FHL5: variants seen among roughly 807,000 people sequenced by gnomAD.
FHL5 encodes the protein four and a half LIM domains protein 5.
In FHL5, 33 loss-of-function variants were observed where a neutral mutation model predicts 32.0. That is an observed-to-expected ratio of 1.03 (90% CI 0.78 to 1.38). The LOEUF (loss-of-function observed/expected upper bound fraction) is 1.38. FHL5 is among the 40% of genes most tolerant of loss of function. The pLI is 0.00. For missense variants in FHL5, 336 were observed against 343.9 expected (o/e 0.98, Z 0.18); for synonymous variants, 114 against 113.6 (o/e 1.00, Z -0.02).
At chr6:96,606,346 T>C (rs1771279965) in intron 4 of FHL5, among the ~76,000 whole-genome samples, 1 of 151,922 alleles carries the variant, frequency 6.6e-6, no homozygotes, top group Non-Finnish European at 1.5e-5. Context: ...CTGTTTTTTG[T>C]TGTTGTTGTT....
chr6:96,612,222 T>C (rs1771424796), intron 5 of FHL5, among the ~76,000 whole-genome samples: 1 of 149,382 alleles, frequency 6.7e-6, no homozygotes, highest in African/African-American at 2.5e-5. Flanking sequence ...ACAATTCCTA[T>C]AGCCAAGAGA....
At chr6:96,577,868 A>T (rs191397556) in intron 1 of FHL5, among the ~76,000 whole-genome samples, 3 of 151,892 alleles carry the variant, frequency 2.0e-5, no homozygotes, top group Non-Finnish European at 4.4e-5. Context: ...AACAAAACAA[A>T]TGGCTTCTGT....
At position 96,617,094 on chromosome 6, in the gene FHL5, T is replaced by C. The variant is rs1488004898; in HGVS notation, c.*1322T>C. On this transcript the variant is annotated 3_prime_UTR_variant, in exon 6 of 6. Coordinates refer to ENST00000450218, the MANE Select transcript of FHL5 (RefSeq NM_001322466.2). ...GAGAAGTCCATCACCAGGTTTATCT[T>C]TATACCAGACTTTAACTGATCATGA... 1.3e-5 allele frequency among the ~76,000 whole-genome samples: 2 copies of C among 152,204 alleles called. No homozygotes were observed. The highest frequency in any genetic ancestry group is 4.1e-4 in the South Asian group (2 of 4,838).
chr6:96,613,062 T>C (rs1373807336), intron 5 of FHL5, among the ~76,000 whole-genome samples: 1 of 152,216 alleles, frequency 6.6e-6, no homozygotes, highest in Non-Finnish European at 1.5e-5. Context: ...TTAACAACTA[T>C]GTATTATATA....
chr6:96,574,096 C>G (rs1770538622), intron 1 of FHL5, among the ~76,000 whole-genome samples: 1 of 151,754 alleles, frequency 6.6e-6, no homozygotes, highest in African/African-American at 2.4e-5. Context: ...TTTTTTCCCA[C>G]TTAGAGAATT....
chr6:96,577,108 A>G (rs1400902497), intron 1 of FHL5, among the ~76,000 whole-genome samples: 1 of 152,204 alleles, frequency 6.6e-6, no homozygotes, highest in Non-Finnish European at 1.5e-5. Flanking sequence ...AAAACAGATA[A>G]AAATTAAATT....
rs1342103227 is a variant in FHL5 at position 96,594,485 on chromosome 6, G to A, written c.-12-9117G>A. ...GTTAACAAAAATATTAAATTAGGCC[G>A]ACCTCTGGGTTCAAATAGTATTAAA... On this transcript the variant is annotated intron_variant, in intron 1 of 5. Transcript: ENST00000450218. 3.3e-5 allele frequency among the ~76,000 whole-genome samples: 5 copies of A among 151,334 alleles called. No individual in the cohort carries two copies. The East Asian group carries it at 5.8e-4, about 18-fold the overall frequency.
At chr6:96,568,976 C>T (rs573259449) in intron 1 of FHL5, among the ~76,000 whole-genome samples, 46 of 151,626 alleles carry the variant, frequency 3.0e-4, no homozygotes, top group Admixed American at 2.2e-3. Flanking sequence ...TTCTTTCTTT[C>T]CTTCTAATTT....
chr6:96,614,787 C>T (rs556466668), intron 5 of FHL5, among the ~76,000 whole-genome samples: 15 of 152,294 alleles, frequency 9.8e-5, no homozygotes, highest in African/African-American at 3.6e-4. Flanking sequence ...CCTGGAATCA[C>T]ATTAAGGAGA....
intron 5 of FHL5, 84 bp from the exon 6 acceptor site, chr6:96,615,525 C>G: frequency 2.6e-6 from 3 of 1,143,520 alleles, no homozygotes; most frequent in Non-Finnish European, 3.7e-6. Flanking sequence ...AGCTCTATCT[C>G]CAGTTCCTAG....
intron 5 of FHL5, among the ~76,000 whole-genome samples, chr6:96,612,889 G>A (rs562601048): frequency 6.6e-6 from 1 of 152,120 alleles, no homozygotes; most frequent in East Asian, 1.9e-4. Context: ...TTGAACTGAT[G>A]TACCATTGGG....
At position 96,603,674 on chromosome 6, in the gene FHL5, G is replaced by A. The variant is rs1406460127; in HGVS notation, c.61G>A (p.Val21Ile). ...AGCATCACTTCTTGGGAAGAAATAT[G>A]TACTAAAGGATGACAGTCCATACTG... is the stretch of plus-strand genomic sequence containing the variant. Reference protein sequence around the residue: ...CTASLLGKKYVLKDDSPYCVT... With the variant: ...CTASLLGKKYILKDDSPYCVT... The change falls in exon 2 of 6, where the codon GTA becomes ATA. Residue 21 changes from valine to isoleucine, a missense_variant. Coordinates refer to ENST00000450218, the MANE Select transcript of FHL5 (RefSeq NM_001322466.2). The A allele has an allele frequency of 6.2e-7, 1 of 1,612,686 alleles. No individual in the cohort carries two copies. Among genetic ancestry groups the A allele is most frequent in the South Asian group, 1.1e-5 (1 of 90,954 alleles).
intron 1 of FHL5, among the ~76,000 whole-genome samples, chr6:96,596,216 T>C (rs915407387): frequency 6.6e-6 from 1 of 151,928 alleles, no homozygotes; most frequent in African/African-American, 2.4e-5. Flanking sequence ...CTTTAGAGAG[T>C]GTTAACCTTT....
chr6:96,570,184 GT>G (rs1489250300), intron 1 of FHL5, among the ~76,000 whole-genome samples: 1 of 152,000 alleles, frequency 6.6e-6, no homozygotes, highest in Non-Finnish European at 1.5e-5. Context: ...AATTCCTTCA[GT>G]TTTTGCTTAC....
At chr6:96,567,639 T>C (rs1051300133) in intron 1 of FHL5, among the ~76,000 whole-genome samples, 1 of 151,810 alleles carries the variant, frequency 6.6e-6, no homozygotes, top group Admixed American at 6.6e-5. Context: ...ATCTTTCCAT[T>C]TTTTGTGTCT....
chr6:96,588,398 C>T (rs762459129), intron 1 of FHL5, among the ~76,000 whole-genome samples: 3 of 152,044 alleles, frequency 2.0e-5, no homozygotes, highest in Non-Finnish European at 2.9e-5. Context: ...TCAGTAGAGA[C>T]GGGGTTTCAC....
intron 1 of FHL5, among the ~76,000 whole-genome samples, chr6:96,583,578 C>G (rs1267284568): frequency 2.0e-5 from 3 of 152,128 alleles, no homozygotes; most frequent in Non-Finnish European, 2.9e-5. Flanking sequence ...TCTGATCGAA[C>G]AGTTTAAACT....
chr6:96,614,301 CTTA>C (rs1771472121), intron 5 of FHL5, among the ~76,000 whole-genome samples: 2 of 152,042 alleles, frequency 1.3e-5, no homozygotes, highest in Admixed American at 1.3e-4. Flanking sequence ...TTGCAGTCAG[CTTA>C]TTAATGTTTT....
chr6:96,583,962 G>A (rs1770745972), intron 1 of FHL5, among the ~76,000 whole-genome samples: 1 of 151,930 alleles, frequency 6.6e-6, no homozygotes, highest in Admixed American at 6.6e-5. Context: ...TCGTATATGT[G>A]TTTTCATTAG....
Sources: gnomAD v4.1 joint callset for allele counts (sites outside exome capture counted in the v4.1 genomes callset) on GRCh38, gnomAD v4.1.1 for gene constraint, MANE v1.5 for transcripts, NCBI Gene and HGNC (gene_info 2026-07-23, HGNC 2026-07-21) for gene names.